NRL: variants seen among roughly 807,000 people sequenced by gnomAD.
NRL encodes the protein neural retina leucine zipper, also known as neural retina-specific leucine zipper protein.
NRL carries 16 observed loss-of-function variants against 12.5 expected under a neutral mutation model. The ratio of observed to expected loss-of-function variants is 1.28; its 90% CI spans 0.87 to 1.95. The LOEUF (loss-of-function observed/expected upper bound fraction) is 1.95. NRL is among the 30% of genes most tolerant of loss of function. NRL has a pLI of 0.00. For synonymous variants in NRL, 142 were observed against 150.9 expected (o/e 0.94, Z 0.43); for missense variants, 314 against 325.8 (o/e 0.96, Z 0.28).
chr14:24,090,280 G>C (rs2036583254), intron 1 of NRL, among the ~76,000 whole-genome samples: 1 of 73,736 alleles, frequency 1.4e-5, no homozygotes. Flanking sequence ...GGGGGGGGGG[G>C]GCACGGGGGG....
rs1406100985 is a variant in NRL at position 24,079,096 on chromosome 14, A to G, written c.*2140T>C. On this transcript the variant is annotated 3_prime_UTR_variant, in exon 3 of 3. Coordinates refer to ENST00000561028, the MANE Select transcript of NRL (RefSeq NM_001354768.3). ...ACCACTGCGCCCCACCTAAAGCACT[A>G]CTCTTAATCACCACAGTGTGCAACT... 6.6e-6 allele frequency among the ~76,000 whole-genome samples: 1 copy of G among 152,002 alleles called. No individual in the cohort carries two copies.
chr14:24,087,452 G>C (rs996924835), intron 1 of NRL, among the ~76,000 whole-genome samples: 3 of 152,104 alleles, frequency 2.0e-5, no homozygotes, highest in Admixed American at 6.5e-5. Context: ...CTGCAGGAGT[G>C]GGGTAGAAAA....
At chr14:24,098,569 G>A (rs766662162) in intron 1 of NRL, 1 of 1,614,150 alleles carries the variant, frequency 6.2e-7, no homozygotes, top group Non-Finnish European at 8.5e-7. Flanking sequence ...CCTATGTGGT[G>A]GCAAGCATGC....
At chr14:24,098,436 G>A (rs1384620561) in intron 1 of NRL, 1 of 1,613,644 alleles carries the variant, frequency 6.2e-7, no homozygotes, top group Non-Finnish European at 8.5e-7. Context: ...ATGTGAACAG[G>A]TTTGGAACCC....
intron 1 of NRL, chr14:24,099,218 G>A: frequency 6.3e-7 from 1 of 1,597,046 alleles, no homozygotes; most frequent in African/African-American, 1.3e-5. Context: ...ATGAGGGCTG[G>A]CTGGCAGAGC....
chr14:24,100,107 C>T (rs2037098268), intron 1 of NRL: 3 of 1,612,434 alleles, frequency 1.9e-6, no homozygotes, highest in Non-Finnish European at 2.5e-6. Context: ...CTATTTTTAC[C>T]AATGTGGCTG....
chr14:24,102,745 T>C, intron 1 of NRL: 1 of 1,612,060 alleles, frequency 6.2e-7, no homozygotes, highest in South Asian at 1.1e-5. Context: ...TTGTATTTCC[T>C]CTGCCAGGTG....
intron 1 of NRL, among the ~76,000 whole-genome samples, chr14:24,096,228 CTTTTTTTTTTTTTT>C (rs34592767): frequency 1.7e-5 from 1 of 58,848 alleles, no homozygotes; most frequent in South Asian, 1.0e-3. Flanking sequence ...CTACTCATTT[CTTTTTTTTTTTTTT>C]TTTTTTTTTT....
At chr14:24,088,327 G>A (rs1334011306) in intron 1 of NRL, among the ~76,000 whole-genome samples, 1 of 152,244 alleles carries the variant, frequency 6.6e-6, no homozygotes, top group Non-Finnish European at 1.5e-5. Context: ...GAGGTCAAAG[G>A]GTAGACAAGG....
chr14:24,110,799 A>G (rs2037406923), intron 1 of NRL, among the ~76,000 whole-genome samples: 1 of 152,244 alleles, frequency 6.6e-6, no homozygotes, highest in African/African-American at 2.4e-5. Context: ...CAAGGCTGTG[A>G]GGAAGGGAGT....
chr14:24,088,732 G>C (rs1003798199), intron 1 of NRL, among the ~76,000 whole-genome samples: 6 of 141,514 alleles, frequency 4.2e-5, no homozygotes, highest in African/African-American at 1.6e-4. Flanking sequence ...TGCAACCTCT[G>C]TCTCCTGGGT....
chr14:24,103,933 A>G (rs2037278211), intron 1 of NRL: 1 of 1,613,986 alleles, frequency 6.2e-7, no homozygotes, highest in Middle Eastern at 1.6e-4. Flanking sequence ...GCTGAGCTTG[A>G]GGCCCTGGAG....
intron 1 of NRL, among the ~76,000 whole-genome samples, chr14:24,088,891 C>T (rs1308546258): frequency 6.6e-6 from 1 of 150,688 alleles, no homozygotes; most frequent in African/African-American, 2.4e-5. Flanking sequence ...CGGCAAGCTC[C>T]GCCTCCCAGG....
At chr14:24,088,881 C>T (rs537890345) in intron 1 of NRL, among the ~76,000 whole-genome samples, 18 of 149,610 alleles carry the variant, frequency 1.2e-4, no homozygotes, top group Non-Finnish European at 2.1e-4. Context: ...TCTTGGCTGA[C>T]GGCAAGCTCC....
rs542643657 is a variant in NRL, at chr14:24,108,965, C to T, written c.-28+5757G>A. Among the ~76,000 whole-genome samples, 6 of 152,322 alleles carry T rather than the reference C, an allele frequency of 3.9e-5. No individual in the cohort carries two copies. The East Asian group carries it at 1.2e-3, about 29-fold the overall frequency. On this transcript the variant is annotated intron_variant, in intron 1 of 2. Coordinates refer to ENST00000561028, the MANE Select transcript of NRL (RefSeq NM_001354768.3). ...AGCTAGAGAATGAAAACACTCCTTT[C>T]CTTCTCTCCTCAGCAGCCCAGCCTG... is the stretch of plus-strand genomic sequence containing the variant.
chr14:24,105,858 T>C (rs767447032), intron 1 of NRL, among the ~76,000 whole-genome samples: 2 of 152,158 alleles, frequency 1.3e-5, no homozygotes, highest in Non-Finnish European at 2.9e-5. Flanking sequence ...TAAGCCTAGA[T>C]CATGCCATTG....
chr14:24,084,614 T>C lies in NRL; in HGVS notation c.-27-1739A>G, dbSNP rs1179512497. 5 of 985,294 alleles carry C rather than the reference T, an allele frequency of 5.1e-6. No homozygotes were observed. The East Asian group carries it at 5.7e-4, about 112-fold the overall frequency. The allele number at this position is 985,294 out of a possible 1,614,324, so 61.0% of individuals were successfully genotyped here. ...GCTCCATGGAGCAGGGCCTGGTGCC[T>C]CTGCTCAGCTCCAGGGGGCTGTGGG... is the stretch of plus-strand genomic sequence containing the variant. On this transcript the variant is annotated intron_variant, in intron 1 of 2. Coordinates refer to ENST00000561028, the MANE Select transcript of NRL (RefSeq NM_001354768.3).
At chr14:24,093,064 G>A (rs2036684685) in intron 1 of NRL, 1 of 152,316 alleles carries the variant, frequency 6.6e-6, no homozygotes, top group Non-Finnish European at 1.5e-5. Context: ...GCTGTGGCCA[G>A]AGTGAGGAAC....
chr14:24,094,779 A>C lies in NRL; in HGVS notation c.-27-11904T>G. The C allele has an allele frequency of 7.2e-7, 1 of 1,396,576 alleles. No individual in the cohort carries two copies. The allele number at this position is 1,396,576 out of a possible 1,614,324, so 86.5% of individuals were successfully genotyped here. Reference sequence around the variant, plus strand: ...TTTCCTTCCCAGATACCTCCCTCGGACCTCTAACGGGCTCTCAGCCAGCGC... The same window carrying C: ...TTTCCTTCCCAGATACCTCCCTCGGCCCTCTAACGGGCTCTCAGCCAGCGC... On this transcript the variant is annotated intron_variant, in intron 1 of 2. Transcript: ENST00000561028. The surrounding 1 kb of genome is among the most constrained non-coding windows in gnomAD (Gnocchi z 4.1).
Sources: allele counts gnomAD v4.1 joint callset (sites outside exome capture counted in the v4.1 genomes callset), GRCh38; gene constraint gnomAD v4.1.1; non-coding constraint Gnocchi (gnomAD v3.1); transcripts MANE v1.5; gene names NCBI Gene and HGNC (gene_info 2026-07-23, HGNC 2026-07-21).